Variants in LIFR observed in about 807,000 individuals in gnomAD.
LIFR encodes the protein LIF receptor subunit alpha.
Under a neutral mutation model 122.2 loss-of-function variants are expected in LIFR, and 84 were observed. The ratio of observed to expected loss-of-function variants is 0.69; its 90% confidence interval spans 0.58 to 0.82. The LOEUF is 0.82. LIFR is among the 40% of genes least tolerant of loss of function. LIFR has a pLI of 0.00. For synonymous variants in LIFR, 422 were observed against 434.7 expected (o/e 0.97, Z 0.36); for missense variants, 1,294 against 1,311.6 (o/e 0.99, Z 0.21).
intron 5 of LIFR, among the ~76,000 whole-genome samples, chr5:38,513,841 CTG>C (rs1745933445): frequency 6.6e-6 from 1 of 152,112 alleles, no homozygotes; most frequent in South Asian, 2.1e-4. Context: ...CCTCGCTTAA[CTG>C]TGAGCAGCAA....
chr5:38,600,583 G>GAACA (rs1750204315), intron 2 of LIFR, among the ~76,000 whole-genome samples: 1 of 152,156 alleles, frequency 6.6e-6, no homozygotes, highest in Non-Finnish European at 1.5e-5. Context: ...CTCATTCACT[G>GAACA]AACAGTTGCC....
At chr5:38,488,292 C>T (rs1007945862) in intron 16 of LIFR, among the ~76,000 whole-genome samples, 1 of 152,166 alleles carries the variant, frequency 6.6e-6, no homozygotes, top group Non-Finnish European at 1.5e-5. Flanking sequence ...TAGGGAGTGA[C>T]TGAGACAGTG....
chr5:38,588,474 A>C (rs551943864), intron 1 of LIFR, among the ~76,000 whole-genome samples: 2 of 152,338 alleles, frequency 1.3e-5, no homozygotes, highest in African/African-American at 4.8e-5. Context: ...ATCCTCACAG[A>C]AGTCAGTATT....
rs184287576 is a variant in LIFR at position 38,582,988 on chromosome 5, G to T, written c.-20+12273C>A. On this transcript the variant is annotated intron_variant, in intron 1 of 19. Transcript: ENST00000263409. ...TAACTTTTTATCATTGTGTTTGATC[G>T]CATTGCATTGTAATTATTTGTTTAT... is the stretch of plus-strand genomic sequence containing the variant. 1.2e-4 allele frequency among the ~76,000 whole-genome samples: 18 copies of T among 152,290 alleles called. No individual in the cohort carries two copies. The East Asian group carries it at 3.3e-3, about 28-fold the overall frequency.
At chr5:38,558,225 G>A (rs1417135451), upstream of LIFR, 1 of 152,064 alleles carries the variant, frequency 6.6e-6, no homozygotes, top group African/African-American at 2.4e-5. Flanking sequence ...TTTTAATGGA[G>A]TAAGGGGCTC....
chr5:38,480,063 AAATT>A lies in LIFR; in HGVS notation c.*1528_*1531del, dbSNP rs1360956986. 3 of 225,394 alleles carry A rather than the reference AAATT, an allele frequency of 1.3e-5. No individual in the cohort carries two copies. Among genetic ancestry groups the A allele is most frequent in the East Asian group, 6.5e-5 (1 of 15,370 alleles). The allele number at this position is 225,394 out of a possible 1,614,324, so 14.0% of individuals were successfully genotyped here. ...AAAGATACAATATGAGCTTCAAAAAAAATTAATTGATCCATTATTTGCAAATACA... is the reference window on the plus strand; with the variant it reads ...AAAGATACAATATGAGCTTCAAAAAAAATTGATCCATTATTTGCAAATACA... On this transcript the variant is annotated 3_prime_UTR_variant, in exon 20 of 20. Coordinates refer to ENST00000453190, the MANE Select transcript of LIFR (RefSeq NM_001127671.2).
At chr5:38,510,006 T>C (rs1313967077) in intron 7 of LIFR, among the ~76,000 whole-genome samples, 1 of 152,166 alleles carries the variant, frequency 6.6e-6, no homozygotes, top group Non-Finnish European at 1.5e-5. Context: ...TCCTCAAATA[T>C]AATAGTTAAA....
upstream of LIFR, among the ~76,000 whole-genome samples, chr5:38,597,354 C>T (rs1388626509): frequency 6.6e-6 from 1 of 152,190 alleles, no homozygotes; most frequent in Non-Finnish European, 1.5e-5. Context: ...AGAAAAGACA[C>T]AGAAGTAGCT....
At chr5:38,594,885 A>C (rs1561233086) in intron 1 of LIFR, 1 of 202,500 alleles carries the variant, frequency 4.9e-6, no homozygotes, top group Admixed American at 6.0e-5. Context: ...AGCAGTGTGC[A>C]AGCTGGATTT....
intron 14 of LIFR, chr5:38,490,544 G>A (rs939778361): frequency 9.2e-6 from 2 of 217,262 alleles, no homozygotes; most frequent in Non-Finnish European, 1.8e-5. Context: ...AGAGAACAAC[G>A]ATGATTTAAG....
chr5:38,505,949 A>G lies in LIFR; in HGVS notation c.1247T>C (p.Leu416Pro), dbSNP rs1439314901. 6.2e-7 allele frequency: 1 copy of G among 1,611,074 alleles called. No homozygotes were observed. The highest frequency in any genetic ancestry group is 8.5e-7 in the Non-Finnish European group (1 of 1,178,264). Reference sequence around the variant, plus strand: ...TAAAATTGTTGATTGTGATCGACCCAGCGGATTGTGAGCATTCAAAGTAAA... The same window carrying G: ...TAAAATTGTTGATTGTGATCGACCCGGCGGATTGTGAGCATTCAAAGTAAA... Reference protein sequence around the residue: ...YNFTLNAHNPLGRSQSTILVN... With the variant: ...YNFTLNAHNPPGRSQSTILVN... The change falls in exon 9 of 20, where the codon CTG becomes CCG. Residue 416 changes from leucine (L) to proline (P), a missense_variant. Transcript: ENST00000453190.
chr5:38,503,702 A>C (rs1745303178), intron 10 of LIFR, among the ~76,000 whole-genome samples: 1 of 152,230 alleles, frequency 6.6e-6, no homozygotes, highest in Non-Finnish European at 1.5e-5. Context: ...AGTTACAGCA[A>C]AAACTACTCA....
At position 38,502,855 on chromosome 5, in the gene LIFR, A is replaced by G. The variant is rs560172055; in HGVS notation, c.1438-56T>C. 2.9e-4 allele frequency: 295 copies of G among 1,003,398 alleles called. 2 individuals are homozygous for G. The highest frequency in any genetic ancestry group is 3.6e-4 in the Non-Finnish European group (254 of 700,600). 62.2% of individuals were successfully genotyped at this position (1,003,398 alleles called of 1,614,324 possible). On this transcript the variant is annotated intron_variant, in intron 10 of 19. Coordinates refer to ENST00000453190, the MANE Select transcript of LIFR (RefSeq NM_001127671.2). ...GTATATATTATGTGTATGAATACAT[A>G]TATATATACATACACATACATACAC...
In LIFR at chr5:38,506,387, A is replaced by C; in HGVS notation, c.1121+116T>G. On this transcript the variant is annotated intron_variant, in intron 8 of 19. Coordinates refer to ENST00000453190, the MANE Select transcript of LIFR (RefSeq NM_001127671.2). The stretch of plus-strand genomic sequence containing the variant: ...TTATAAGTGTAATTTTATACAGCAT[A>C]TTTGGTTTTATATCTTGTTTGTAAC... 4 of 1,210,542 alleles carry C rather than the reference A, an allele frequency of 3.3e-6. No homozygotes were observed. In the South Asian group the frequency reaches 4.9e-5, roughly 15 times the overall value. 75.0% of individuals were successfully genotyped at this position (1,210,542 alleles called of 1,614,324 possible).
intron 1 of LIFR, among the ~76,000 whole-genome samples, chr5:38,589,711 G>T (rs1357274225): frequency 7.6e-6 from 1 of 131,594 alleles, no homozygotes; most frequent in African/African-American, 2.8e-5. Context: ...AGAAGGCAGA[G>T]AAGAAAATGT....
intron 2 of LIFR, among the ~76,000 whole-genome samples, chr5:38,529,639 G>C (rs1746891311): frequency 6.6e-6 from 1 of 152,040 alleles, no homozygotes; most frequent in South Asian, 2.1e-4. Flanking sequence ...AAGAAGGGGG[G>C]TATAAGAGAG....
rs1322202990 is a variant in LIFR, at chr5:38,544,483, CCT to C, written c.-20+11849_-20+11850del. On this transcript the variant is annotated intron_variant, in intron 1 of 19. Coordinates refer to ENST00000453190, the MANE Select transcript of LIFR (RefSeq NM_001127671.2). ...TTCCTATCATGGGGAATCACCTTCC[CCT>C]GACTCTTCTCATCATTCAAATTAAC... Among the ~76,000 whole-genome samples the C allele has an allele frequency of 4.6e-5, 7 of 152,110 alleles. No individual in the cohort carries two copies. The East Asian group carries it at 1.4e-3, about 30-fold the overall frequency.
intron 2 of LIFR, among the ~76,000 whole-genome samples, 160 bp downstream of exon 2, chr5:38,530,346 T>C (rs1746934597): frequency 6.6e-6 from 1 of 151,244 alleles, no homozygotes; most frequent in Non-Finnish European, 1.5e-5. Flanking sequence ...TTAAGGATCT[T>C]TTTAAAAGAA....
chr5:38,522,369 T>C (rs536799873), intron 5 of LIFR, among the ~76,000 whole-genome samples: 7 of 152,330 alleles, frequency 4.6e-5, no homozygotes, highest in East Asian at 1.9e-4. Flanking sequence ...TGAATCCCGA[T>C]GCTCTCTCTA....
Sources: allele counts gnomAD v4.1 joint callset (sites outside exome capture counted in the v4.1 genomes callset), GRCh38; gene constraint gnomAD v4.1.1; transcripts MANE v1.5; gene names NCBI Gene and HGNC (gene_info 2026-07-23, HGNC 2026-07-21).